Variants in KMO observed in about 807,000 individuals in gnomAD.
KMO encodes kynurenine 3-monooxygenase, also known as kynurenine 3-hydroxylase.
A neutral mutation model predicts 57.8 loss-of-function variants in KMO; 24 were observed. The ratio of observed to expected loss-of-function variants is 0.42; its 90% confidence interval spans 0.30 to 0.58. KMO has a LOEUF of 0.58. Among genes scored for constraint, KMO ranks in the 20% least tolerant of loss-of-function variants. The pLI is 0.22. For missense variants in KMO, 483 were observed against 588.2 expected, an observed-to-expected ratio of 0.82 and a Z score of 1.85; for synonymous variants, 210 against 193.6, an observed-to-expected ratio of 1.08 and a Z score of -0.70.
intron 6 of KMO, among the ~76,000 whole-genome samples, chr1:241,561,370 C>T (rs1383247268): frequency 6.6e-6 from 1 of 152,212 alleles, no homozygotes; most frequent in Non-Finnish European, 1.5e-5. Flanking sequence ...CCTGACTTCC[C>T]CAGAACTAAT....
intron 4 of KMO, among the ~76,000 whole-genome samples, chr1:241,553,557 A>G (rs1309126688): frequency 6.6e-6 from 1 of 152,080 alleles, no homozygotes; most frequent in Non-Finnish European, 1.5e-5. Flanking sequence ...GCATGGTGGC[A>G]TGGGCCTGTA....
At chr1:241,546,584 A>G (rs1661157991) in intron 1 of KMO, among the ~76,000 whole-genome samples, 1 of 152,174 alleles carries the variant, frequency 6.6e-6, no homozygotes, top group African/African-American at 2.4e-5. Context: ...AAACATTGTA[A>G]GGTAGAACTG....
chr1:241,534,970 T>C (rs1000709622), intron 1 of KMO, among the ~76,000 whole-genome samples: 1 of 152,150 alleles, frequency 6.6e-6, no homozygotes, highest in Non-Finnish European at 1.5e-5. Flanking sequence ...CTTTGGGTTT[T>C]TTTTTTTAAC....
chr1:241,594,380 A>T lies in KMO; in HGVS notation c.*2227A>T. On this transcript the variant is annotated 3_prime_UTR_variant, in exon 15 of 15. Coordinates refer to ENST00000366559, the MANE Select transcript of KMO (RefSeq NM_003679.5). ...GACACTTCTTATGATGAAAGTCCAA[A>T]AGTGGCATCCAATTTAAGGCCCCAT... 1 of 1,579,880 alleles carries T rather than the reference A, an allele frequency of 6.3e-7. No homozygotes were observed. Among genetic ancestry groups the T allele is most frequent in the South Asian group, 1.2e-5 (1 of 85,056 alleles).
intron 4 of KMO, among the ~76,000 whole-genome samples, chr1:241,551,695 T>C (rs1448909353): frequency 1.3e-5 from 2 of 152,302 alleles, no homozygotes; most frequent in South Asian, 2.1e-4. Context: ...CAAACATCCA[T>C]CGACAACAGA....
chr1:241,565,558 T>TAA (rs56260608), intron 8 of KMO, among the ~76,000 whole-genome samples: 5 of 128,970 alleles, frequency 3.9e-5, no homozygotes, highest in African/African-American at 1.5e-4. Context: ...TTGCCTCTAC[T>TAA]AAAAAAAAAA....
chr1:241,559,242 C>A (rs1445358018), intron 5 of KMO, among the ~76,000 whole-genome samples: 1 of 152,160 alleles, frequency 6.6e-6, no homozygotes. Flanking sequence ...CAACACATCT[C>A]AATTTAGGAT....
At chr1:241,537,143 G>A (rs548501627) in intron 1 of KMO, among the ~76,000 whole-genome samples, 35 of 152,228 alleles carry the variant, frequency 2.3e-4, no homozygotes, top group African/African-American at 7.7e-4. Context: ...CTTACCCTAT[G>A]GGTCTCAGTT....
intron 1 of KMO, among the ~76,000 whole-genome samples, chr1:241,541,829 G>A (rs1420583180): frequency 6.6e-6 from 1 of 152,066 alleles, no homozygotes; most frequent in South Asian, 2.1e-4. Context: ...ATCTTGAGAC[G>A]TCAAACTATA....
intron 4 of KMO, 27 bp from the exon 5 acceptor site, chr1:241,555,585 A>T (rs748297350): frequency 1.5e-6 from 2 of 1,331,890 alleles, no homozygotes; most frequent in Non-Finnish European, 2.1e-6. Context: ...CCAGAAACAA[A>T]CAGTATCTAC....
intron 5 of KMO, among the ~76,000 whole-genome samples, chr1:241,560,450 A>G (rs1463971478): frequency 6.6e-6 from 1 of 152,212 alleles, no homozygotes; most frequent in Non-Finnish European, 1.5e-5. Context: ...TGAGATGAGG[A>G]TAATTGATTT....
At chr1:241,581,605 G>GA (rs1428349439) in intron 10 of KMO, among the ~76,000 whole-genome samples, 3 of 150,132 alleles carry the variant, frequency 2.0e-5, no homozygotes, top group South Asian at 2.2e-4. Context: ...AAAGAAAGAA[G>GA]AAAAAAAGAG....
chr1:241,536,323 C>T (rs1660749983), intron 1 of KMO: 1 of 161,728 alleles, frequency 6.2e-6, no homozygotes, highest in Admixed American at 6.5e-5. Context: ...GATATGTTTT[C>T]TTTTCTTTAT....
In KMO at chr1:241,555,600, CTT is replaced by C; in HGVS notation, c.313-9_313-8del. 1.4e-6 allele frequency: 2 copies of C among 1,480,944 alleles called. No homozygotes were observed. Among genetic ancestry groups the C allele is most frequent in the Non-Finnish European group, 1.9e-6 (2 of 1,061,612 alleles). The allele number at this position is 1,480,944 out of a possible 1,614,324, so 91.7% of individuals were successfully genotyped here. A position where few individuals can be genotyped will look rare whatever the true frequency, so the allele number is the denominator to read the frequency against. ...CCAGAAACAAACAGTATCTACTCTA[CTT>C]TTCTTGCAGTATATTCTTTCTGTAA... On this transcript the variant is annotated splice_polypyrimidine_tract_variant and intron_variant, in intron 4 of 14. Transcript: ENST00000366559.
In KMO at chr1:241,577,165, T is replaced by C. The variant is rs114006760; in HGVS notation, c.957+8518T>C. 6.7e-3 allele frequency among the ~76,000 whole-genome samples: 1,022 copies of C among 152,256 alleles called. 15 individuals carry two copies. The highest frequency in any genetic ancestry group is 0.023 in the African/African-American group (974 of 41,566). ...TCTGAATGTTTTAAATTTCTTCATGTTGTTTTTCACCTTTCTCTGGCATGT... is the reference window on the plus strand; with the variant it reads ...TCTGAATGTTTTAAATTTCTTCATGCTGTTTTTCACCTTTCTCTGGCATGT... On this transcript the variant is annotated intron_variant, in intron 10 of 14. Coordinates refer to ENST00000366559, the MANE Select transcript of KMO (RefSeq NM_003679.5).
intron 10 of KMO, among the ~76,000 whole-genome samples, chr1:241,582,956 C>A (rs12068119): frequency 0.023 from 3,467 of 152,130 alleles, 115 homozygotes; most frequent in African/African-American, 0.079. Flanking sequence ...ATGAGTGTTG[C>A]GGTCTAAGTT....
intron 1 of KMO, among the ~76,000 whole-genome samples, chr1:241,547,650 T>A (rs1661198907): frequency 6.6e-6 from 1 of 151,114 alleles, no homozygotes; most frequent in South Asian, 2.1e-4. Context: ...ACTACATTCC[T>A]CTCCAACTTA....
chr1:241,587,221 A>G (rs988868747), intron 11 of KMO, among the ~76,000 whole-genome samples: 2 of 152,230 alleles, frequency 1.3e-5, no homozygotes, highest in African/African-American at 4.8e-5. Flanking sequence ...CGTGCAAGCT[A>G]GATGTCTCGC....
At position 241,556,851 on chromosome 1, in the gene KMO, T is replaced by G. The variant is rs529778297; in HGVS notation, c.361+1191T>G. Among the ~76,000 whole-genome samples the G allele has an allele frequency of 2.6e-4, 40 of 152,142 alleles. No individual in the cohort carries two copies. In the South Asian group the frequency reaches 7.5e-3, roughly 28 times the overall value. On this transcript the variant is annotated intron_variant, in intron 5 of 14. Coordinates refer to ENST00000366559, the MANE Select transcript of KMO (RefSeq NM_003679.5). ...TTGCAGTGAGCCGAGATCATGCCAC[T>G]GCCCTCCAGCCTGGCTGACAGAGCG...
Sources: gnomAD v4.1 joint callset for allele counts (sites outside exome capture counted in the v4.1 genomes callset) on GRCh38, gnomAD v4.1.1 for gene constraint, MANE v1.5 for transcripts, NCBI Gene and HGNC (gene_info 2026-07-23, HGNC 2026-07-21) for gene names.